Variants in MDGA2 observed in about 807,000 individuals in gnomAD.
MDGA2 encodes the protein MAM domain containing glycosylphosphatidylinositol anchor 2, also known as MAM domain-containing glycosylphosphatidylinositol anchor protein 2.
Under a neutral mutation model 117.8 loss-of-function variants are expected in MDGA2, and 40 were observed. The ratio of observed to expected loss-of-function variants is 0.34; its 90% confidence interval spans 0.26 to 0.44. The LOEUF (loss-of-function observed/expected upper bound fraction) is 0.44. Among genes scored for constraint, MDGA2 ranks in the 20% least tolerant of loss-of-function variants. The pLI is 1.00. For synonymous variants in MDGA2, 452 were observed against 439.0 expected (o/e 1.03, Z -0.37); for missense variants, 1,123 against 1,250.6 (o/e 0.90, Z 1.54).
intron 14 of MDGA2, 71 bp downstream of exon 14, chr14:46,873,362 G>C: frequency 7.3e-7 from 1 of 1,364,154 alleles, no homozygotes; most frequent in African/African-American, 1.5e-5. Context: ...TTTTAATGCT[G>C]TGTGTTTATG....
chr14:47,663,752 C>G (rs998620186), intron 1 of MDGA2, among the ~76,000 whole-genome samples: 1 of 151,984 alleles, frequency 6.6e-6, no homozygotes, highest in Non-Finnish European at 1.5e-5. Flanking sequence ...AATGGTTTAT[C>G]CTCATTTTCT....
intron 3 of MDGA2, among the ~76,000 whole-genome samples, chr14:47,158,119 C>A (rs953841155): frequency 7.9e-5 from 12 of 152,070 alleles, no homozygotes; most frequent in African/African-American, 2.9e-4. Context: ...AAGTATAATA[C>A]CACATTTTTA....
At chr14:47,546,685 T>C (rs1895469237) in intron 1 of MDGA2, among the ~76,000 whole-genome samples, 1 of 152,182 alleles carries the variant, frequency 6.6e-6, no homozygotes, top group African/African-American at 2.4e-5. Flanking sequence ...CCCTTTGGTT[T>C]TGACCAGGGA....
At chr14:47,253,435 G>A (rs953935898) in intron 2 of MDGA2, among the ~76,000 whole-genome samples, 4 of 152,260 alleles carry the variant, frequency 2.6e-5, no homozygotes, top group Non-Finnish European at 5.9e-5. Context: ...CAAGACAAAC[G>A]GGCTACACAC....
intron 1 of MDGA2, among the ~76,000 whole-genome samples, chr14:47,521,279 T>G (rs1894861812): frequency 6.6e-6 from 1 of 152,198 alleles, no homozygotes; most frequent in African/African-American, 2.4e-5. Context: ...CACATGTACT[T>G]CTTTCAGTCT....
chr14:46,839,995 A>C (rs1178102587), downstream of MDGA2: 6 of 152,186 alleles, frequency 3.9e-5, no homozygotes, highest in Non-Finnish European at 8.8e-5. Flanking sequence ...TATGTGGAGC[A>C]CTGAAGATTT....
intron 1 of MDGA2, among the ~76,000 whole-genome samples, chr14:47,609,465 A>ATATACATATATATAT (rs1555336021): frequency 2.8e-5 from 3 of 107,376 alleles, no homozygotes; most frequent in Non-Finnish European, 5.8e-5. Flanking sequence ...ATATATATAT[A>ATATACATATATATAT]AGTTTCTTTA....
At chr14:47,397,345 G>C (rs1892035370) in intron 1 of MDGA2, among the ~76,000 whole-genome samples, 1 of 152,134 alleles carries the variant, frequency 6.6e-6, no homozygotes, top group African/African-American at 2.4e-5. Flanking sequence ...TGGGGACTAG[G>C]GGAGGGATAG....
intron 2 of MDGA2, among the ~76,000 whole-genome samples, chr14:47,292,962 T>C (rs1392359314): frequency 3.3e-5 from 5 of 152,170 alleles, no homozygotes; most frequent in Non-Finnish European, 5.9e-5. Context: ...GATATCTATA[T>C]TGAGTCTGTT....
chr14:46,895,276 G>C (rs1045424059), intron 10 of MDGA2, among the ~76,000 whole-genome samples: 1 of 152,040 alleles, frequency 6.6e-6, no homozygotes, highest in Non-Finnish European at 1.5e-5. Context: ...AAGATCTGAT[G>C]GTTTTATAAA....
At chr14:47,455,819 A>T (rs982633667) in intron 1 of MDGA2, among the ~76,000 whole-genome samples, 4 of 152,024 alleles carry the variant, frequency 2.6e-5, no homozygotes, top group Admixed American at 2.6e-4. Context: ...CAACATGGTG[A>T]AACCCTTTCT....
intron 1 of MDGA2, among the ~76,000 whole-genome samples, chr14:47,587,553 T>A (rs1255559564): frequency 6.6e-6 from 1 of 151,872 alleles, no homozygotes; most frequent in Admixed American, 6.6e-5. Flanking sequence ...CAAATTATTT[T>A]ATGTTCCTAC....
chr14:46,964,306 A>C (rs1334478531), intron 8 of MDGA2, among the ~76,000 whole-genome samples: 2 of 147,464 alleles, frequency 1.4e-5, no homozygotes, highest in Admixed American at 1.4e-4. Context: ...AGATATAATA[A>C]AATGTGGTTC....
At chr14:46,981,024 C>G (rs1340802817) in intron 8 of MDGA2, among the ~76,000 whole-genome samples, 1 of 152,022 alleles carries the variant, frequency 6.6e-6, no homozygotes, top group Non-Finnish European at 1.5e-5. Flanking sequence ...TTTAAAAAGC[C>G]TTTATTATTT....
chr14:46,963,950 G>T (rs1211619970), intron 8 of MDGA2, among the ~76,000 whole-genome samples: 1 of 152,096 alleles, frequency 6.6e-6, no homozygotes, highest in African/African-American at 2.4e-5. Flanking sequence ...TCAAGACCTG[G>T]AGTTTATGTT....
At chr14:47,494,659 C>T (rs1335357994) in intron 1 of MDGA2, among the ~76,000 whole-genome samples, 2 of 151,872 alleles carry the variant, frequency 1.3e-5, no homozygotes, top group Non-Finnish European at 2.9e-5. Context: ...AGTTTCAGGT[C>T]TTACATCTAG....
At chr14:47,491,753 A>G (rs1380575955) in intron 1 of MDGA2, among the ~76,000 whole-genome samples, 1 of 152,076 alleles carries the variant, frequency 6.6e-6, no homozygotes, top group Non-Finnish European at 1.5e-5. Flanking sequence ...AACTTTGGAC[A>G]ATTGTTATTT....
chr14:47,331,703 G>A (rs1220764995), intron 1 of MDGA2, among the ~76,000 whole-genome samples: 1 of 151,944 alleles, frequency 6.6e-6, no homozygotes, highest in East Asian at 1.9e-4. Flanking sequence ...AAGGGAAAGA[G>A]AAGCTTATTA....
intron 3 of MDGA2, among the ~76,000 whole-genome samples, chr14:47,144,554 T>G (rs768008703): frequency 6.6e-5 from 10 of 152,064 alleles, no homozygotes; most frequent in Admixed American, 2.0e-4. Context: ...ATGAGAGAGA[T>G]AAAAATTTAC....
Sources: allele counts gnomAD v4.1 joint callset (sites outside exome capture counted in the v4.1 genomes callset), GRCh38; gene constraint gnomAD v4.1.1; transcripts MANE v1.5; gene names NCBI Gene and HGNC (gene_info 2026-07-23, HGNC 2026-07-21).